Variants in TMEM114 observed in about 807,000 individuals in gnomAD.
TMEM114 encodes claudin-26.
TMEM114 carries 6 observed loss-of-function variants against 6.2 expected under a neutral mutation model. That is an observed-to-expected ratio of 0.97 (90% CI 0.53 to 1.91). The LOEUF (loss-of-function observed/expected upper bound fraction) is 1.91, where lower values mean the gene tolerates loss of function less well. Ranked by LOEUF, TMEM114 falls within the 40% of genes most tolerant of loss-of-function variation. The pLI is 0.01. For synonymous variants in TMEM114, 104 were observed against 73.0 expected (o/e 1.42, Z -2.16); for missense variants, 218 against 158.3 (o/e 1.38, Z -2.02).
downstream of TMEM114, among the ~76,000 whole-genome samples, chr16:8,566,552 G>C (rs1031940623): frequency 1.3e-5 from 2 of 152,018 alleles, no homozygotes; most frequent in Non-Finnish European, 2.9e-5. Context: ...AATGGATCAG[G>C]ATAGAACAGA....
At chr16:8,574,855 C>T (rs1245024874) in intron 2 of TMEM114, among the ~76,000 whole-genome samples, 3 of 152,140 alleles carry the variant, frequency 2.0e-5, no homozygotes, top group Non-Finnish European at 4.4e-5. Flanking sequence ...GCAAGCCACC[C>T]AGGAGAGAGC....
At chr16:8,532,172 A>G in the TMEM114 span, among the ~76,000 whole-genome samples, 3 of 152,202 alleles carry the variant, frequency 2.0e-5, no homozygotes, top group African/African-American at 7.2e-5. Context: ...ATGTGCTAAT[A>G]TAAATTTTTC....
chr16:8,550,664 G>C (rs533440746), intron 2 of TMEM114, among the ~76,000 whole-genome samples: 2 of 142,930 alleles, frequency 1.4e-5, no homozygotes, highest in African/African-American at 5.2e-5. Flanking sequence ...AGCAACAAGA[G>C]CAAAACTTCG....
At chr16:8,568,210 A>T (rs1186063932), downstream of TMEM114, among the ~76,000 whole-genome samples, 1 of 152,130 alleles carries the variant, frequency 6.6e-6, no homozygotes, top group Non-Finnish European at 1.5e-5. Context: ...TACGTATTTC[A>T]TATGCCTCTC....
chr16:8,540,128 A>G (rs992802053), intron 2 of TMEM114, among the ~76,000 whole-genome samples: 2 of 152,186 alleles, frequency 1.3e-5, no homozygotes, highest in Non-Finnish European at 2.9e-5. Flanking sequence ...CGGGCCACAA[A>G]TATGGTATTT....
At chr16:8,548,066 T>C (rs1482635259) in intron 2 of TMEM114, among the ~76,000 whole-genome samples, 1 of 152,148 alleles carries the variant, frequency 6.6e-6, no homozygotes, top group African/African-American at 2.4e-5. Flanking sequence ...AAGTGCAAGT[T>C]TCACGCTCCT....
At chr16:8,563,723 GAGTC>G (rs1901384955) in intron 2 of TMEM114, among the ~76,000 whole-genome samples, 13 of 150,438 alleles carry the variant, frequency 8.6e-5, no homozygotes, top group South Asian at 2.1e-4. Flanking sequence ...GTGAGTGAAT[GAGTC>G]AGTGAGTGAA....
chr16:8,545,498 C>G (rs1457850134), intron 2 of TMEM114, among the ~76,000 whole-genome samples: 1 of 152,158 alleles, frequency 6.6e-6, no homozygotes, highest in Non-Finnish European at 1.5e-5. Context: ...CTATTGCTAT[C>G]AAGTTACATT....
chr16:8,562,530 G>A (rs1159409539), intron 2 of TMEM114, among the ~76,000 whole-genome samples: 1 of 146,862 alleles, frequency 6.8e-6, no homozygotes, highest in Non-Finnish European at 1.5e-5. Context: ...GTGAGTTAAT[G>A]AGTGAGTGAG....
chr16:8,547,941 A>G (rs2141655620), intron 2 of TMEM114, among the ~76,000 whole-genome samples: 1 of 152,176 alleles, frequency 6.6e-6, no homozygotes, highest in South Asian at 2.1e-4. Flanking sequence ...GACCTCCAAC[A>G]TCTGGATTTG....
intron 2 of TMEM114, among the ~76,000 whole-genome samples, chr16:8,573,538 C>T (rs1259121700): frequency 6.6e-6 from 1 of 152,036 alleles, no homozygotes; most frequent in East Asian, 1.9e-4. Context: ...CTCTGAGCTT[C>T]CCAGCAGCCA....
downstream of TMEM114, among the ~76,000 whole-genome samples, chr16:8,565,984 A>G (rs1054280112): frequency 2.6e-4 from 40 of 152,372 alleles, no homozygotes; most frequent in African/African-American, 8.4e-4. Flanking sequence ...AGGAGAGGAC[A>G]AGACAGAATG....
chr16:8,552,251 GT>G (rs1900869940), intron 2 of TMEM114, among the ~76,000 whole-genome samples: 1 of 151,910 alleles, frequency 6.6e-6, no homozygotes, highest in Non-Finnish European at 1.5e-5. Context: ...AGGCATGGTT[GT>G]GTGTGCCTAT....
At chr16:8,545,379 T>C (rs1900633191) in intron 2 of TMEM114, among the ~76,000 whole-genome samples, 1 of 152,174 alleles carries the variant, frequency 6.6e-6, no homozygotes, top group South Asian at 2.1e-4. Flanking sequence ...GAGGTTGCAG[T>C]GAGCTGTAAT....
At chr16:8,537,559 C>T (rs1900395321), downstream of TMEM114, 1 of 152,072 alleles carries the variant, frequency 6.6e-6, no homozygotes, top group Admixed American at 6.6e-5. Flanking sequence ...ATAAATCTGC[C>T]ACCAGGATAT....
At chr16:8,535,576 G>C (rs1439394608), downstream of TMEM114, among the ~76,000 whole-genome samples, 2 of 152,126 alleles carry the variant, frequency 1.3e-5, no homozygotes, top group East Asian at 3.8e-4. Context: ...AATGCAAGAA[G>C]ATCATGGGAA....
intron 2 of TMEM114, among the ~76,000 whole-genome samples, chr16:8,554,359 T>C (rs1299960762): frequency 3.3e-5 from 5 of 152,048 alleles, no homozygotes; most frequent in African/African-American, 7.2e-5. Flanking sequence ...AGTTCAAGAC[T>C]GCAGTGATCT....
intron 2 of TMEM114, among the ~76,000 whole-genome samples, chr16:8,541,327 T>C (rs1004011905): frequency 1.3e-5 from 2 of 152,118 alleles, no homozygotes; most frequent in South Asian, 2.1e-4. Flanking sequence ...GTCATACAAA[T>C]GAGGACAGTC....
chr16:8,559,123 A>G (rs1901116176), intron 2 of TMEM114, among the ~76,000 whole-genome samples: 2 of 151,388 alleles, frequency 1.3e-5, no homozygotes, highest in Non-Finnish European at 2.9e-5. Flanking sequence ...GCTCACTGCA[A>G]CCTCTTCTTC....
Sources: gnomAD v4.1 joint callset for allele counts (sites outside exome capture counted in the v4.1 genomes callset) on GRCh38, gnomAD v4.1.1 for gene constraint, MANE v1.5 for transcripts, NCBI Gene and HGNC (gene_info 2026-07-23, HGNC 2026-07-21) for gene names.